RNF150: variants seen among roughly 807,000 people sequenced by gnomAD.
The protein encoded by RNF150 is ring finger protein 150.
RNF150 carries 24 observed loss-of-function variants against 39.3 expected under a neutral mutation model. That is an observed-to-expected ratio of 0.61 (90% confidence interval 0.44 to 0.86). The LOEUF is 0.86. Ranked by LOEUF, RNF150 falls within the 40% of genes least tolerant of loss-of-function variation. The pLI, the probability that RNF150 is intolerant of heterozygous loss-of-function variation, is 0.00. For synonymous variants in RNF150, 255 were observed against 227.3 expected (o/e 1.12, Z -1.10); for missense variants, 502 against 587.8 (o/e 0.85, Z 1.51).
chr4:141,202,734 T>C (rs1017126929), intron 1 of RNF150, among the ~76,000 whole-genome samples: 1 of 152,012 alleles, frequency 6.6e-6, no homozygotes, highest in African/African-American at 2.4e-5. Flanking sequence ...TCAAATGTTT[T>C]ATCATTAGCA....
intron 1 of RNF150, among the ~76,000 whole-genome samples, chr4:141,173,412 T>G (rs1727762178): frequency 6.6e-6 from 1 of 152,226 alleles, no homozygotes; most frequent in Non-Finnish European, 1.5e-5. Flanking sequence ...ATTGTGTACT[T>G]CACTAACATT....
At chr4:140,887,821 C>A (rs1299072987) in intron 6 of RNF150, among the ~76,000 whole-genome samples, 2 of 152,174 alleles carry the variant, frequency 1.3e-5, no homozygotes, top group African/African-American at 4.8e-5. Flanking sequence ...CTTACACCTG[C>A]ATTTTCAAAA....
At chr4:140,922,997 G>C (rs1211923835) in intron 5 of RNF150, among the ~76,000 whole-genome samples, 3 of 150,740 alleles carry the variant, frequency 2.0e-5, no homozygotes, top group Non-Finnish European at 4.4e-5. Context: ...TTAAACGTTA[G>C]ACCTAAAACC....
intron 1 of RNF150, among the ~76,000 whole-genome samples, chr4:141,153,910 G>C (rs919299823): frequency 2.6e-5 from 4 of 152,178 alleles, no homozygotes; most frequent in Non-Finnish European, 5.9e-5. Context: ...AAGAGAGCAG[G>C]CTCTCGAGTT....
At chr4:141,142,971 G>C (rs997447763) in intron 1 of RNF150, among the ~76,000 whole-genome samples, 2 of 151,758 alleles carry the variant, frequency 1.3e-5, no homozygotes, top group African/African-American at 4.8e-5. Flanking sequence ...CCAGGTTCAA[G>C]CAATTCTCCT....
intron 1 of RNF150, among the ~76,000 whole-genome samples, chr4:141,106,762 C>A (rs1325655840): frequency 6.6e-6 from 1 of 151,808 alleles, no homozygotes; most frequent in Non-Finnish European, 1.5e-5. Context: ...CCATTGCACT[C>A]CAGTGTGGGT....
chr4:141,180,990 A>T (rs1270651470), intron 1 of RNF150, among the ~76,000 whole-genome samples: 1 of 152,142 alleles, frequency 6.6e-6, no homozygotes. Context: ...TATATTTATT[A>T]TTCTTTGAAA....
At chr4:140,925,271 G>T (rs1731345423) in intron 5 of RNF150, among the ~76,000 whole-genome samples, 1 of 152,174 alleles carries the variant, frequency 6.6e-6, no homozygotes, top group Non-Finnish European at 1.5e-5. Flanking sequence ...CCACCCACCA[G>T]TTTGCAGGCT....
chr4:141,044,844 G>A (rs531365385), intron 1 of RNF150, among the ~76,000 whole-genome samples: 18 of 152,032 alleles, frequency 1.2e-4, no homozygotes, highest in Middle Eastern at 3.4e-3. Context: ...ACTGAAAACT[G>A]TGGCACATCT....
At chr4:140,945,296 AT>A (rs113070150) in intron 4 of RNF150, among the ~76,000 whole-genome samples, 5,188 of 152,058 alleles carry the variant, frequency 0.034, 197 homozygotes, top group African/African-American at 0.09. Context: ...TTAAAATGCT[AT>A]TTTTTTGTTA....
intron 1 of RNF150, among the ~76,000 whole-genome samples, chr4:140,981,271 G>A (rs968351954): frequency 6.6e-6 from 1 of 152,128 alleles, no homozygotes; most frequent in Admixed American, 6.6e-5. Flanking sequence ...TGAAAGATTT[G>A]CATATACATA....
At chr4:140,960,932 C>G (rs759632186) in intron 2 of RNF150, among the ~76,000 whole-genome samples, 1 of 152,082 alleles carries the variant, frequency 6.6e-6, no homozygotes, top group Admixed American at 6.6e-5. Context: ...CTCATTCAAC[C>G]CTCACATCAA....
intron 1 of RNF150, among the ~76,000 whole-genome samples, chr4:141,185,563 T>C (rs1727992802): frequency 6.6e-6 from 1 of 152,196 alleles, no homozygotes; most frequent in African/African-American, 2.4e-5. Context: ...CTTCCAATAC[T>C]ATGTTTAATA....
chr4:140,872,695 G>A (rs1210619833), intron 6 of RNF150, among the ~76,000 whole-genome samples: 1 of 152,212 alleles, frequency 6.6e-6, no homozygotes, highest in African/African-American at 2.4e-5. Flanking sequence ...AGAAAGTAGA[G>A]AAAAATTCCC....
At chr4:140,929,721 T>C (rs1305497913) in intron 4 of RNF150, among the ~76,000 whole-genome samples, 1 of 152,112 alleles carries the variant, frequency 6.6e-6, no homozygotes, top group East Asian at 1.9e-4. Context: ...GTTCTTCAAT[T>C]GACACAAGTC....
chr4:140,973,907 A>G (rs991527308), intron 1 of RNF150, among the ~76,000 whole-genome samples: 1 of 151,556 alleles, frequency 6.6e-6, no homozygotes, highest in Non-Finnish European at 1.5e-5. Context: ...AGAAGAGGTA[A>G]AAACAGTACA....
chr4:141,147,461 A>T (rs1328392291), intron 1 of RNF150, among the ~76,000 whole-genome samples: 2 of 152,208 alleles, frequency 1.3e-5, no homozygotes, highest in African/African-American at 2.4e-5. Flanking sequence ...AAGTGTACAT[A>T]AGTTAATATT....
chr4:141,124,022 A>G (rs902815680), intron 1 of RNF150, among the ~76,000 whole-genome samples: 4 of 152,178 alleles, frequency 2.6e-5, no homozygotes, highest in Non-Finnish European at 5.9e-5. Context: ...CAGGACCTAC[A>G]TGGCTAATAT....
intron 1 of RNF150, among the ~76,000 whole-genome samples, chr4:141,209,953 C>G (rs1053070606): frequency 1.1e-4 from 16 of 152,180 alleles, no homozygotes; most frequent in African/African-American, 3.9e-4. Context: ...TTTCTATTAA[C>G]TATTGTATTG....
Sources: gnomAD v4.1 joint callset for allele counts (sites outside exome capture counted in the v4.1 genomes callset) on GRCh38, gnomAD v4.1.1 for gene constraint, MANE v1.5 for transcripts, NCBI Gene and HGNC (gene_info 2026-07-23, HGNC 2026-07-21) for gene names.